Variants in VPS13B observed in about 807,000 individuals in gnomAD.
The protein encoded by VPS13B is vacuolar protein sorting 13 homolog B, also known as intermembrane lipid transfer protein VPS13B.
In VPS13B, 285 loss-of-function variants were observed where a neutral mutation model predicts 426.4. The ratio of observed to expected loss-of-function variants is 0.67; its 90% confidence interval spans 0.61 to 0.74. VPS13B has a LOEUF of 0.74. Ranked by LOEUF, VPS13B falls within the 30% of genes least tolerant of loss-of-function variation. The pLI, the probability that VPS13B is intolerant of heterozygous loss-of-function variation, is 0.00. For missense variants in VPS13B, 4,537 were observed against 4,782.6 expected (o/e 0.95, Z 1.51); for synonymous variants, 1,676 against 1,676.4 (o/e 1.00, Z 0.01).
chr8:99,814,592 A>G (rs1277440526), intron 44 of VPS13B, among the ~76,000 whole-genome samples: 1 of 152,154 alleles, frequency 6.6e-6, no homozygotes, highest in Admixed American at 6.5e-5. Context: ...TTACCTTCTC[A>G]TATTATTAGC....
intron 37 of VPS13B, 64 bp downstream of exon 37, chr8:99,717,437 C>A: frequency 7.1e-7 from 1 of 1,410,714 alleles, no homozygotes; most frequent in Non-Finnish European, 1.0e-6. Context: ...ATTTTTTGAA[C>A]TGTTTCACTA....
intron 13 of VPS13B, among the ~76,000 whole-genome samples, chr8:99,146,360 T>C (rs1246081237): frequency 6.6e-6 from 1 of 152,198 alleles, no homozygotes; most frequent in Non-Finnish European, 1.5e-5. Flanking sequence ...GGTCTGTTTC[T>C]GAGTCCTCTA....
chr8:99,846,254 G>A (rs913475367), intron 54 of VPS13B, among the ~76,000 whole-genome samples: 3 of 152,164 alleles, frequency 2.0e-5, no homozygotes, highest in Non-Finnish European at 2.9e-5. Flanking sequence ...AGAGGGAGAC[G>A]CATTTTATAC....
chr8:99,858,862 A>G (rs923235962), intron 56 of VPS13B, among the ~76,000 whole-genome samples: 2 of 152,156 alleles, frequency 1.3e-5, no homozygotes, highest in African/African-American at 4.8e-5. Flanking sequence ...CCTTTGCGAC[A>G]TGCCATTGAG....
chr8:99,504,779 T>C (rs1821408312), intron 27 of VPS13B, among the ~76,000 whole-genome samples: 1 of 152,206 alleles, frequency 6.6e-6, no homozygotes, highest in African/African-American at 2.4e-5. Context: ...CTTCACCAGC[T>C]GCATTCACCT....
chr8:99,060,109 A>G (rs1423128206), intron 3 of VPS13B, among the ~76,000 whole-genome samples: 3 of 152,180 alleles, frequency 2.0e-5, no homozygotes, highest in Non-Finnish European at 2.9e-5. Context: ...TAAAAAAACT[A>G]CAAACCACAC....
chr8:99,455,218 G>A (rs147801355), intron 23 of VPS13B, among the ~76,000 whole-genome samples: 42 of 152,232 alleles, frequency 2.8e-4, no homozygotes, highest in Non-Finnish European at 5.4e-4. Flanking sequence ...TATCTTTTAG[G>A]AGTTTTATAG....
intron 36 of VPS13B, 131 bp downstream of exon 36, chr8:99,700,063 A>C: frequency 9.1e-7 from 1 of 1,097,524 alleles, no homozygotes; most frequent in Admixed American, 2.9e-5. Context: ...AGATGAGGAC[A>C]TTTCTGGTTT....
chr8:99,561,077 G>A (rs1471454381), intron 31 of VPS13B, among the ~76,000 whole-genome samples: 1 of 152,146 alleles, frequency 6.6e-6, no homozygotes, highest in Non-Finnish European at 1.5e-5. Flanking sequence ...TGAACATTTA[G>A]TGGCATTTAG....
At chr8:99,340,100 T>A (rs944006639) in intron 19 of VPS13B, among the ~76,000 whole-genome samples, 1 of 152,168 alleles carries the variant, frequency 6.6e-6, no homozygotes, top group African/African-American at 2.4e-5. Flanking sequence ...CAGAGCACTT[T>A]CGGACACCCA....
chr8:99,310,091 A>G (rs1055221704), intron 19 of VPS13B, among the ~76,000 whole-genome samples: 2 of 152,200 alleles, frequency 1.3e-5, no homozygotes, highest in Admixed American at 6.5e-5. Context: ...GGCTGAGACG[A>G]TGGGGTTTTC....
chr8:99,454,681 G>C (rs908126216), intron 23 of VPS13B, among the ~76,000 whole-genome samples: 7 of 152,104 alleles, frequency 4.6e-5, no homozygotes, highest in African/African-American at 1.7e-4. Flanking sequence ...AGATCGTATG[G>C]TAAAAATGTT....
chr8:99,175,149 T>G (rs1168330609), intron 16 of VPS13B, among the ~76,000 whole-genome samples: 3 of 152,212 alleles, frequency 2.0e-5, no homozygotes, highest in Admixed American at 2.0e-4. Flanking sequence ...TCTGAAAACA[T>G]TCTTCAGTTA....
At chr8:99,040,369 G>C (rs545025836) in intron 3 of VPS13B, among the ~76,000 whole-genome samples, 5 of 152,158 alleles carry the variant, frequency 3.3e-5, no homozygotes, top group Non-Finnish European at 7.4e-5. Flanking sequence ...TAAATGTCAT[G>C]AATGTAAACC....
chr8:99,719,274 A>G (rs1163262249), intron 37 of VPS13B, among the ~76,000 whole-genome samples: 1 of 152,250 alleles, frequency 6.6e-6, no homozygotes, highest in Non-Finnish European at 1.5e-5. Context: ...AAAACAAAGT[A>G]CAGTGTATTA....
chr8:99,415,713 G>T (rs576209248), intron 21 of VPS13B, among the ~76,000 whole-genome samples: 1 of 152,354 alleles, frequency 6.6e-6, no homozygotes, highest in East Asian at 1.9e-4. Context: ...GTTCACTCCA[G>T]AACCTGTTTG....
intron 33 of VPS13B, among the ~76,000 whole-genome samples, chr8:99,587,948 G>A (rs907853310): frequency 6.6e-6 from 1 of 151,740 alleles, no homozygotes; most frequent in African/African-American, 2.4e-5. Context: ...GGTTTTCATG[G>A]TTTTAGGTCT....
At chr8:99,062,892 G>T (rs1156709264) in intron 3 of VPS13B, among the ~76,000 whole-genome samples, 2 of 152,164 alleles carry the variant, frequency 1.3e-5, no homozygotes, top group Admixed American at 6.5e-5. Context: ...GGGCACTCAA[G>T]TATAGAATAG....
At chr8:99,267,807 T>C (rs1818385047) in intron 17 of VPS13B, among the ~76,000 whole-genome samples, 1 of 151,478 alleles carries the variant, frequency 6.6e-6, no homozygotes, top group South Asian at 2.1e-4. Flanking sequence ...GCATAAGTAA[T>C]GAGGAGCAGA....
Sources: gnomAD v4.1 joint callset for allele counts (sites outside exome capture counted in the v4.1 genomes callset) on GRCh38, gnomAD v4.1.1 for gene constraint, MANE v1.5 for transcripts, NCBI Gene and HGNC (gene_info 2026-07-23, HGNC 2026-07-21) for gene names.